The following ATP8A2 variants were observed in gnomAD, a reference collection of about 807,000 sequenced individuals.
The protein encoded by ATP8A2 is phospholipid-transporting ATPase IB.
Under a neutral mutation model 165.6 loss-of-function variants are expected in ATP8A2, and 100 were observed. The observed-to-expected ratio is 0.60, with a 90% CI of 0.51 to 0.71. ATP8A2 has a LOEUF of 0.71. Among genes scored for constraint, ATP8A2 ranks in the 30% least tolerant of loss-of-function variants. The pLI is 0.00. For missense variants in ATP8A2, 1,227 were observed against 1,479.5 expected, an observed-to-expected ratio of 0.83 and a Z score of 2.80; for synonymous variants, 543 against 548.8, an observed-to-expected ratio of 0.99 and a Z score of 0.15.
chr13:25,832,833 C>T (rs4346076), intron 28 of ATP8A2, among the ~76,000 whole-genome samples: 1,838 of 152,160 alleles, frequency 0.012, 43 homozygotes, highest in African/African-American at 0.039. Context: ...TTCATGTTTT[C>T]GGCAACTGCA....
chr13:25,815,303 G>A (rs1390061785), intron 27 of ATP8A2, among the ~76,000 whole-genome samples: 4 of 152,068 alleles, frequency 2.6e-5, no homozygotes, highest in African/African-American at 9.7e-5. Context: ...TCATATATCC[G>A]ATAAGAGATT....
At chr13:25,550,348 G>A (rs2038783402) in intron 10 of ATP8A2, among the ~76,000 whole-genome samples, 1 of 152,040 alleles carries the variant, frequency 6.6e-6, no homozygotes, top group Non-Finnish European at 1.5e-5. Flanking sequence ...CCCACAAGTA[G>A]GATGTGGGCA....
At chr13:25,827,405 C>A (rs768734940) in intron 27 of ATP8A2, among the ~76,000 whole-genome samples, 3 of 152,218 alleles carry the variant, frequency 2.0e-5, no homozygotes, top group Non-Finnish European at 4.4e-5. Flanking sequence ...AGCCACCACG[C>A]CCGGTCTCTG....
Position 25,880,064 on chromosome 13 carries a change from C to T in ATP8A2, c.3183+17656C>T, listed in dbSNP as rs60904594. On this transcript the variant is annotated intron_variant, in intron 33 of 36. Coordinates refer to ENST00000381655, the MANE Select transcript of ATP8A2 (RefSeq NM_016529.6). ...GGTGGCCTCCTAGACAAAGCCACAG[C>T]GGCGTAGGCCTGTCCATGGAGTGGC... 2.6e-3 allele frequency among the ~76,000 whole-genome samples: 403 copies of T among 152,284 alleles called. 3 individuals carry two copies. Among genetic ancestry groups the T allele is most frequent in the East Asian group, 0.017 (88 of 5,176 alleles).
chr13:26,016,537 TAAAAG>T (rs1956979169), intron 36 of ATP8A2, among the ~76,000 whole-genome samples: 1 of 152,142 alleles, frequency 6.6e-6, no homozygotes, highest in East Asian at 1.9e-4. Context: ...ACAAGATAAA[TAAAAG>T]AAAAGGCTTT....
At chr13:25,860,377 T>C in intron 31 of ATP8A2, 121 bp downstream of exon 31, 1 of 588,504 alleles carries the variant, frequency 1.7e-6, no homozygotes, top group East Asian at 2.9e-5. Context: ...TCAAAATGTA[T>C]TTTATATATC....
chr13:25,419,597 A>G (rs763489877), intron 1 of ATP8A2, among the ~76,000 whole-genome samples: 2 of 152,202 alleles, frequency 1.3e-5, no homozygotes, highest in Non-Finnish European at 2.9e-5. Flanking sequence ...AAGTGCCATG[A>G]TGCAAACAGG....
intron 2 of ATP8A2, among the ~76,000 whole-genome samples, chr13:25,470,336 G>A (rs2035808214): frequency 6.6e-6 from 1 of 152,196 alleles, no homozygotes; most frequent in Admixed American, 6.5e-5. Context: ...CCCCATTTCA[G>A]AATGTGTGGG....
chr13:25,632,836 C>T (rs779773908), intron 24 of ATP8A2, among the ~76,000 whole-genome samples: 6 of 152,100 alleles, frequency 3.9e-5, no homozygotes, highest in Non-Finnish European at 7.4e-5. Flanking sequence ...GGGAAGCTGC[C>T]CTCTTGCGTG....
At chr13:25,972,916 C>A (rs755678010) in intron 35 of ATP8A2, among the ~76,000 whole-genome samples, 1 of 151,796 alleles carries the variant, frequency 6.6e-6, no homozygotes, top group African/African-American at 2.4e-5. Flanking sequence ...ATTTTAGGTA[C>A]AATGGCAAGC....
chr13:25,490,168 G>A (rs944894821), intron 2 of ATP8A2, among the ~76,000 whole-genome samples: 7 of 152,294 alleles, frequency 4.6e-5, no homozygotes, highest in South Asian at 2.1e-4. Flanking sequence ...GGCTAAGTTC[G>A]TGGCCCCTTT....
At chr13:25,856,692 C>T (rs1402398761) in intron 30 of ATP8A2, among the ~76,000 whole-genome samples, 1 of 152,076 alleles carries the variant, frequency 6.6e-6, no homozygotes, top group East Asian at 1.9e-4. Flanking sequence ...TATGTTTTTC[C>T]AAAAATTTTC....
At chr13:25,781,321 C>T (rs2044872354) in intron 27 of ATP8A2, among the ~76,000 whole-genome samples, 1 of 151,974 alleles carries the variant, frequency 6.6e-6, no homozygotes, top group Non-Finnish European at 1.5e-5. Flanking sequence ...CATTTTAATC[C>T]AAAACGTTTT....
intron 16 of ATP8A2, chr13:25,567,355 T>C (rs540540479): frequency 1.3e-5 from 6 of 456,734 alleles, no homozygotes; most frequent in South Asian, 9.3e-5. Context: ...TTGGTGGCCA[T>C]GGTGAGTGGA....
intron 2 of ATP8A2, among the ~76,000 whole-genome samples, chr13:25,476,363 G>T (rs968244902): frequency 6.0e-5 from 9 of 151,224 alleles, no homozygotes; most frequent in Non-Finnish European, 2.9e-5. Context: ...TCCACTCATT[G>T]CAAACCTTTG....
At chr13:25,621,175 A>G (rs1486101911) in intron 24 of ATP8A2, among the ~76,000 whole-genome samples, 2 of 152,170 alleles carry the variant, frequency 1.3e-5, no homozygotes, top group East Asian at 3.8e-4. Flanking sequence ...CCAGTGCAGA[A>G]GAAGGTACCT....
At position 25,984,383 on chromosome 13, in the gene ATP8A2, C is replaced by T. The variant is rs146826034; in HGVS notation, c.3377+15704C>T. On this transcript the variant is annotated intron_variant, in intron 35 of 36. Coordinates refer to ENST00000381655, the MANE Select transcript of ATP8A2 (RefSeq NM_016529.6). The stretch of plus-strand genomic sequence containing the variant: ...CTTTGGGAGATGAAGGCAGGTGGAT[C>T]GCTTGAGGTCAGGAGTTCGAGACCA... Among the ~76,000 whole-genome samples, 985 of 151,830 alleles carry T rather than the reference C, an allele frequency of 6.5e-3. 5 individuals carry two copies. The highest frequency in any genetic ancestry group is 0.028 in the Middle Eastern group (8 of 290).
chr13:25,695,109 T>A (rs566174762), intron 24 of ATP8A2, among the ~76,000 whole-genome samples: 6 of 152,056 alleles, frequency 3.9e-5, no homozygotes, highest in African/African-American at 1.4e-4. Flanking sequence ...AAGCAAATAC[T>A]GTAATAAAGC....
chr13:25,989,423 A>C (rs944396216), intron 35 of ATP8A2, among the ~76,000 whole-genome samples: 12 of 152,142 alleles, frequency 7.9e-5, no homozygotes, highest in Non-Finnish European at 1.0e-4. Flanking sequence ...CATTTATTTT[A>C]TTTTTCATAC....
Sources: gnomAD v4.1 joint callset for allele counts (sites outside exome capture counted in the v4.1 genomes callset) on GRCh38, gnomAD v4.1.1 for gene constraint, MANE v1.5 for transcripts, NCBI Gene and HGNC (gene_info 2026-07-23, HGNC 2026-07-21) for gene names.